Variants in SPDYE3 observed in about 807,000 individuals in gnomAD.
SPDYE3 encodes speedy/RINGO cell cycle regulator family member E3, also known as speedy protein E3.
SPDYE3 carries 15 observed loss-of-function variants against 55.0 expected under a neutral mutation model. That is an observed-to-expected ratio of 0.27 (90% CI 0.18 to 0.42). SPDYE3 has a LOEUF of 0.42. SPDYE3 is among the 10% of genes least tolerant of loss of function. The pLI is 1.00. For synonymous variants in SPDYE3, 89 were observed against 229.9 expected, an observed-to-expected ratio of 0.39 and a Z score of 5.55; for missense variants, 236 against 576.7, an observed-to-expected ratio of 0.41 and a Z score of 6.05.
At chr7:100,317,338 G>GAATA (rs1330996080) in intron 8 of SPDYE3, among the ~76,000 whole-genome samples, 183 bp downstream of exon 8, 141 of 152,336 alleles carry the variant, frequency 9.3e-4, no homozygotes, top group African/African-American at 3.3e-3. Flanking sequence ...GGGCATGGTG[G>GAATA]CTCAGGCCTG....
In SPDYE3 at chr7:100,321,759, T is replaced by C. The variant is rs977558231; in HGVS notation, c.*914T>C. 6 of 149,858 alleles carry C rather than the reference T, an allele frequency of 4.0e-5. No individual in the cohort carries two copies. The highest frequency in any genetic ancestry group is 3.0e-5 in the Non-Finnish European group (2 of 67,524). The allele number at this position is 149,858 out of a possible 1,614,324, so 9.3% of individuals were successfully genotyped here. On this transcript the variant is annotated 3_prime_UTR_variant, in exon 11 of 11. Coordinates refer to ENST00000332397, the MANE Select transcript of SPDYE3 (RefSeq NM_001004351.5). ...ACTAACATGTCTAATATATACTATC[T>C]ATTTTATTGATTTATTTCGAAAAAG...
intron 8 of SPDYE3, among the ~76,000 whole-genome samples, chr7:100,318,095 GTTC>G (rs1292742395): frequency 2.0e-5 from 3 of 152,044 alleles, no homozygotes; most frequent in Middle Eastern, 6.9e-3. Flanking sequence ...GACGTTTCCG[GTTC>G]TTCTCTCTCT....
At chr7:100,318,365 A>T (rs1160917092) in intron 8 of SPDYE3, among the ~76,000 whole-genome samples, 1 of 152,042 alleles carries the variant, frequency 6.6e-6, no homozygotes, top group Admixed American at 6.6e-5. Context: ...CCACAGTGCC[A>T]ATTCCACCCT....
chr7:100,311,490 C>CAA (rs1308717569), intron 3 of SPDYE3, among the ~76,000 whole-genome samples: 1 of 113,434 alleles, frequency 8.8e-6, no homozygotes. Context: ...TGTCTCGAAA[C>CAA]AAAAAAAAAA....
intron 8 of SPDYE3, among the ~76,000 whole-genome samples, chr7:100,318,276 A>G (rs1462564729): frequency 6.6e-6 from 1 of 152,114 alleles, no homozygotes; most frequent in East Asian, 1.9e-4. Flanking sequence ...CAGCCTGAAC[A>G]TCTTTCCAAA....
At position 100,314,360 on chromosome 7, in the gene SPDYE3, AG is replaced by A. The variant is rs1395128898; in HGVS notation, c.983-168del. 38 of 497,086 alleles carry A rather than the reference AG, an allele frequency of 7.6e-5. No homozygotes were observed. In the East Asian group the frequency reaches 8.2e-4, roughly 11 times the overall value. The allele number at this position is 497,086 out of a possible 1,614,324, so 30.8% of individuals were successfully genotyped here. A position where few individuals can be genotyped will look rare whatever the true frequency, so the allele number is the denominator to read the frequency against. ...AGGACAGAGAGAGGGAAGAATGGGG[AG>A]GGGAAGGAGTGGCACATGGGGTTGA... On this transcript the variant is annotated intron_variant, in intron 5 of 10. Coordinates refer to ENST00000332397, the MANE Select transcript of SPDYE3 (RefSeq NM_001004351.5).
chr7:100,308,735 C>T (rs1805889056), intron 1 of SPDYE3, among the ~76,000 whole-genome samples: 3 of 150,194 alleles, frequency 2.0e-5, no homozygotes, highest in Admixed American at 1.3e-4. Flanking sequence ...AAGAGGGCCT[C>T]AGAGAGCCAG....
rs753013580 is a variant in SPDYE3, at chr7:100,307,876, G to C, written c.-10G>C. ...GCTTCGGTGAGATTGGACAGATTTT[G>C]GGAAAGATCATGACGAGCCATCAAC... On this transcript the variant is annotated 5_prime_UTR_variant, in exon 1 of 11. Coordinates refer to ENST00000332397, the MANE Select transcript of SPDYE3 (RefSeq NM_001004351.5). 1 of 1,575,738 alleles carries C rather than the reference G, an allele frequency of 6.3e-7. No homozygotes were observed. The highest frequency in any genetic ancestry group is 1.1e-5 in the South Asian group (1 of 87,982).
intron 8 of SPDYE3, among the ~76,000 whole-genome samples, chr7:100,317,619 A>C (rs1806135257): frequency 7.2e-6 from 1 of 138,000 alleles, no homozygotes; most frequent in African/African-American, 2.6e-5. Flanking sequence ...CAAAAGAGCC[A>C]AAAAAAAAAA....
intron 10 of SPDYE3, chr7:100,320,266 C>A: frequency 9.0e-7 from 1 of 1,105,874 alleles, no homozygotes; most frequent in Non-Finnish European, 1.2e-6. Context: ...TGCAGGGAGC[C>A]CTGATCCTGC....
chr7:100,316,604 T>C (rs1303625064), intron 7 of SPDYE3, among the ~76,000 whole-genome samples: 1 of 152,206 alleles, frequency 6.6e-6, no homozygotes, highest in East Asian at 1.9e-4. Flanking sequence ...TTTGTCTTTT[T>C]ATGATTTGTC....
At chr7:100,317,485 A>G (rs139235504) in intron 8 of SPDYE3, among the ~76,000 whole-genome samples, 3 of 152,148 alleles carry the variant, frequency 2.0e-5, no homozygotes, top group African/African-American at 7.2e-5. Context: ...TGCACCTGTT[A>G]TCCAAGCTAC....
At chr7:100,320,136 G>A in intron 10 of SPDYE3, 101 bp downstream of exon 10, 1 of 1,546,126 alleles carries the variant, frequency 6.5e-7, no homozygotes, top group Non-Finnish European at 8.7e-7. Flanking sequence ...CGGCAACGTG[G>A]CGAGATATCC....
chr7:100,307,725 G>C lies in SPDYE3; in HGVS notation c.-161G>C, dbSNP rs1488045104. The C allele has an allele frequency of 4.3e-6, 6 of 1,396,728 alleles. No homozygotes were observed. Among genetic ancestry groups the C allele is most frequent in the Non-Finnish European group, 9.4e-7 (1 of 1,061,922 alleles). The allele number at this position is 1,396,728 out of a possible 1,614,324, so 86.5% of individuals were successfully genotyped here. On this transcript the variant is annotated 5_prime_UTR_variant, in exon 1 of 11. Coordinates refer to ENST00000332397, the MANE Select transcript of SPDYE3 (RefSeq NM_001004351.5). Reference sequence around the variant, plus strand: ...GACTCTGTCGGCGCCTGGCAGTTCAGGTGAACAACAGTAACTTCTCAGAGC... The same window carrying C: ...GACTCTGTCGGCGCCTGGCAGTTCACGTGAACAACAGTAACTTCTCAGAGC...
rs1554444004 is a variant in SPDYE3 at position 100,308,347 on chromosome 7, AAAG to A, written c.106+365_106+367del. ...CGCTGTCTCAAAAAAAAAAAAAAAA[AAAG>A]AAGAAGAAAAAAAAGAAGGGTCAGA... On this transcript the variant is annotated intron_variant, in intron 1 of 10. Transcript: ENST00000332397. 2.7e-3 allele frequency among the ~76,000 whole-genome samples: 410 copies of A among 150,032 alleles called. 2 individuals are homozygous for A. The highest frequency in any genetic ancestry group is 9.3e-3 in the African/African-American group (378 of 40,770).
At chr7:100,308,015 G>C (rs1172177973) in intron 1 of SPDYE3, 24 bp downstream of exon 1, 1 of 1,533,974 alleles carries the variant, frequency 6.5e-7, no homozygotes, top group Non-Finnish European at 8.7e-7. Context: ...AGGAAGAAGA[G>C]GTGGCATAGG....
chr7:100,310,021 G>A (rs1229142541), intron 2 of SPDYE3, among the ~76,000 whole-genome samples: 8 of 138,068 alleles, frequency 5.8e-5, no homozygotes, highest in Non-Finnish European at 8.1e-5. Flanking sequence ...ACTGGAATCC[G>A]GGAGATAGAT....
chr7:100,308,341 A>T (rs1584995224), intron 1 of SPDYE3, among the ~76,000 whole-genome samples: 1 of 150,762 alleles, frequency 6.6e-6, no homozygotes, highest in African/African-American at 2.4e-5. Context: ...AAAAAAAAAA[A>T]AAAAAAAAGA....
intron 1 of SPDYE3, 136 bp downstream of exon 1, chr7:100,308,127 C>T (rs935283662): frequency 2.8e-5 from 33 of 1,180,410 alleles, no homozygotes; most frequent in East Asian, 2.5e-4. Context: ...GTCAGCAGTT[C>T]AAGACCAGCC....
Sources: gnomAD v4.1 joint callset for allele counts (sites outside exome capture counted in the v4.1 genomes callset) on GRCh38, gnomAD v4.1.1 for gene constraint, MANE v1.5 for transcripts, NCBI Gene and HGNC (gene_info 2026-07-23, HGNC 2026-07-21) for gene names.